Variants in ORC3 observed in about 807,000 individuals in gnomAD.
The protein encoded by ORC3 is homolog of latheo, Drosophila.
In ORC3, 78 loss-of-function variants were observed where a neutral mutation model predicts 100.7. The ratio of observed to expected loss-of-function variants is 0.77; its 90% CI spans 0.65 to 0.94. The LOEUF (loss-of-function observed/expected upper bound fraction) is 0.94, where lower values mean the gene tolerates loss of function less well. Among genes scored for constraint, ORC3 ranks in the 40% least tolerant of loss-of-function variants. The pLI is 0.00. For missense variants in ORC3, 789 were observed against 823.9 expected, an observed-to-expected ratio of 0.96 and a Z score of 0.52; for synonymous variants, 295 against 289.3, an observed-to-expected ratio of 1.02 and a Z score of -0.20.
At chr6:87,663,286 T>C (rs1256459913) in intron 17 of ORC3, 142 bp downstream of exon 17, 1 of 591,368 alleles carries the variant, frequency 1.7e-6, no homozygotes, top group Non-Finnish European at 2.8e-6. Context: ...TTTTTAAAAA[T>C]TCTTTAGACT....
At chr6:87,629,995 G>GT (rs1367347453) in intron 11 of ORC3, among the ~76,000 whole-genome samples, 2 of 151,930 alleles carry the variant, frequency 1.3e-5, no homozygotes, top group African/African-American at 4.8e-5. Context: ...ATGTAAATGT[G>GT]TTTTTTAAAC....
the ORC3 span, chr6:87,675,533 A>G: frequency 6.3e-7 from 1 of 1,595,026 alleles, no homozygotes; most frequent in Non-Finnish European, 8.6e-7. Flanking sequence ...TGCATGTCAT[A>G]ATTGGGACCT....
chr6:87,593,854 G>A (rs965662110), intron 1 of ORC3, among the ~76,000 whole-genome samples: 1 of 152,098 alleles, frequency 6.6e-6, no homozygotes, highest in Admixed American at 6.6e-5. Flanking sequence ...ACACCAACAC[G>A]CCTGGCTAAT....
chr6:87,623,533 C>T (rs1403272778), intron 11 of ORC3, among the ~76,000 whole-genome samples: 1 of 152,066 alleles, frequency 6.6e-6, no homozygotes, highest in Non-Finnish European at 1.5e-5. Context: ...TTTAAGAGTA[C>T]CTTTAACCAT....
At chr6:87,609,042 T>C (rs1450433189) in intron 6 of ORC3, 54 bp from the exon 7 acceptor site, 2 of 1,454,016 alleles carry the variant, frequency 1.4e-6, no homozygotes, top group South Asian at 1.5e-5. Context: ...ATTATAACAT[T>C]GTTTGAGTGG....
chr6:87,675,592 G>C, the ORC3 span: 1 of 1,613,996 alleles, frequency 6.2e-7, no homozygotes, highest in Non-Finnish European at 8.5e-7. Context: ...TGCAGGATAC[G>C]TGATTCATGA....
chr6:87,672,816 C>T, the ORC3 span, among the ~76,000 whole-genome samples: 2 of 152,224 alleles, frequency 1.3e-5, no homozygotes, highest in Middle Eastern at 3.4e-3. Flanking sequence ...TTATTTTTCT[C>T]AGATTGCCTA....
At chr6:87,605,248 C>T (rs958516504) in intron 4 of ORC3, among the ~76,000 whole-genome samples, 3 of 152,192 alleles carry the variant, frequency 2.0e-5, no homozygotes, top group African/African-American at 7.2e-5. Context: ...AAGTGATCCT[C>T]CCAAAGTGCT....
At chr6:87,619,082 T>C (rs1428030645) in intron 9 of ORC3, among the ~76,000 whole-genome samples, 1 of 151,630 alleles carries the variant, frequency 6.6e-6, no homozygotes, top group East Asian at 1.9e-4. Context: ...CTAGAGGGAG[T>C]AAGGAAAGGC....
chr6:87,622,122 T>C (rs1779580251), intron 11 of ORC3, 109 bp downstream of exon 11: 1 of 727,776 alleles, frequency 1.4e-6, no homozygotes, highest in Non-Finnish European at 2.3e-6. Flanking sequence ...TCTTAATATT[T>C]ATACAGTGAA....
At chr6:87,626,710 C>T (rs1779922308) in intron 11 of ORC3, among the ~76,000 whole-genome samples, 1 of 151,108 alleles carries the variant, frequency 6.6e-6, no homozygotes, top group South Asian at 2.1e-4. Flanking sequence ...TCCCTTTAAC[C>T]AGGGAGGCAG....
chr6:87,605,509 G>A (rs1778266610), intron 4 of ORC3, among the ~76,000 whole-genome samples: 1 of 152,282 alleles, frequency 6.6e-6, no homozygotes. Context: ...AAATTAGCCG[G>A]TGTGGTGGCA....
intron 13 of ORC3, among the ~76,000 whole-genome samples, chr6:87,643,252 G>T (rs941022491): frequency 6.6e-6 from 1 of 152,150 alleles, no homozygotes; most frequent in African/African-American, 2.4e-5. Context: ...AGAATTAGCT[G>T]AGATATTGAT....
chr6:87,649,439 G>C (rs183267109), intron 13 of ORC3, among the ~76,000 whole-genome samples: 1 of 152,170 alleles, frequency 6.6e-6, no homozygotes, highest in Non-Finnish European at 1.5e-5. Flanking sequence ...ATACATTTCA[G>C]AATAATTTTT....
intron 2 of ORC3, among the ~76,000 whole-genome samples, chr6:87,600,778 A>T (rs1241437066): frequency 6.8e-6 from 1 of 146,520 alleles, no homozygotes; most frequent in Non-Finnish European, 1.5e-5. Context: ...TGTGTGAGTT[A>T]TGAAATCAAT....
At chr6:87,676,139 T>C in the ORC3 span, among the ~76,000 whole-genome samples, 1 of 148,438 alleles carries the variant, frequency 6.7e-6, no homozygotes, top group Admixed American at 6.9e-5. Flanking sequence ...TGACCTGACA[T>C]AAAGGCTAGG....
At chr6:87,599,480 G>A (rs1333984007) in intron 2 of ORC3, among the ~76,000 whole-genome samples, 1 of 151,874 alleles carries the variant, frequency 6.6e-6, no homozygotes, top group Non-Finnish European at 1.5e-5. Flanking sequence ...TGATTCTCCT[G>A]CCTCAGCCTC....
chr6:87,602,966 TATATAC>T lies in ORC3; in HGVS notation c.178-412_178-407del, dbSNP rs1341033372. Among the ~76,000 whole-genome samples the T allele has an allele frequency of 8.8e-4, 50 of 57,120 alleles. 4 individuals are homozygous for T. Among genetic ancestry groups the T allele is most frequent in the South Asian group, 2.8e-3 (5 of 1,778 alleles). The allele number at this position is 57,120 out of a possible 152,430, so 37.5% of individuals were successfully genotyped here. ...TATACACATATATAATATATATATA[TATATAC>T]ATATATATATACAATTTTTTTTTTT... On this transcript the variant is annotated intron_variant, in intron 3 of 19. Coordinates refer to ENST00000392844, the MANE Select transcript of ORC3 (RefSeq NM_012381.4).
In ORC3 at chr6:87,665,781, G is replaced by A; in HGVS notation, c.1978G>A (p.Glu660Lys). Reference sequence around the variant, plus strand: ...TTTTGCAACAGTTGTGACAGCTGCTGAAAAAATGGATGCAAATTCTGCAAC... The same window carrying A: ...TTTTGCAACAGTTGTGACAGCTGCTAAAAAAATGGATGCAAATTCTGCAAC... ...EAFATVVTAAEKMDANSATSE... is the reference protein window; with the variant it reads ...EAFATVVTAAKKMDANSATSE... Residue 660 changes from glutamate (E) to lysine (K), a missense_variant, in exon 19 of 20, where the codon GAA (glutamate) becomes AAA (lysine). By Grantham distance (56) the Glu-to-Lys change is moderately conservative (BLOSUM62 1). This residue lies in a region of ORC3 where 366 missense variants were observed against 394.2 expected (regional missense o/e 0.93). Coordinates refer to ENST00000392844, the MANE Select transcript of ORC3 (RefSeq NM_012381.4). 3 of 1,612,298 alleles carry A rather than the reference G, an allele frequency of 1.9e-6. No individual in the cohort carries two copies. The East Asian group carries it at 6.7e-5, about 36-fold the overall frequency.
Sources: allele counts gnomAD v4.1 joint callset (sites outside exome capture counted in the v4.1 genomes callset), GRCh38; gene constraint gnomAD v4.1.1; regional missense constraint gnomAD v4.1.1; transcripts MANE v1.5; gene names NCBI Gene and HGNC (gene_info 2026-07-23, HGNC 2026-07-21).